Variants in PIERCE2 observed in about 807,000 individuals in gnomAD.
PIERCE2 encodes the protein piercer of microtubule wall 2 protein.
At chr15:55,414,837 CACT>C in the PIERCE2 span, among the ~76,000 whole-genome samples, 1 of 151,984 alleles carries the variant, frequency 6.6e-6, no homozygotes, top group African/African-American at 2.4e-5. Flanking sequence ...GAGATGGCGC[CACT>C]ACACTCCAGC....
At chr15:55,416,694 C>A in the PIERCE2 span, among the ~76,000 whole-genome samples, 1 of 152,012 alleles carries the variant, frequency 6.6e-6, no homozygotes, top group Non-Finnish European at 1.5e-5. Context: ...CGCGGTGGCT[C>A]ACACCTGTAA....
the PIERCE2 span, among the ~76,000 whole-genome samples, chr15:55,411,650 G>A: frequency 6.6e-6 from 1 of 152,036 alleles, no homozygotes; most frequent in African/African-American, 2.4e-5. Context: ...GGCTAGGCAC[G>A]GTGGCTCACG....
the PIERCE2 span, chr15:55,408,647 TTC>T: frequency 4.7e-6 from 3 of 639,328 alleles, no homozygotes; most frequent in South Asian, 1.9e-5. Context: ...GCTATTCATC[TTC>T]TGTTTGCTGC....
At chr15:55,412,078 G>A in the PIERCE2 span, among the ~76,000 whole-genome samples, 1 of 114,990 alleles carries the variant, frequency 8.7e-6, no homozygotes, top group African/African-American at 3.2e-5. Context: ...GCAACAGAGT[G>A]AGACTTTGTC....
At chr15:55,417,424 AT>A in the PIERCE2 span, among the ~76,000 whole-genome samples, 22 of 151,180 alleles carry the variant, frequency 1.5e-4, no homozygotes, top group South Asian at 4.2e-4. Flanking sequence ...AATATCTTGT[AT>A]TTTTTTTTCT....
chr15:55,410,014 G>T, the PIERCE2 span, among the ~76,000 whole-genome samples: 6 of 145,380 alleles, frequency 4.1e-5, 1 homozygote, highest in Admixed American at 4.1e-4. Flanking sequence ...CTTAACTATA[G>T]TCAGTTTGAA....
the PIERCE2 span, among the ~76,000 whole-genome samples, chr15:55,413,491 T>G: frequency 0.18 from 27,010 of 151,038 alleles, 4,157 homozygotes; most frequent in African/African-American, 0.42. Flanking sequence ...GGCCGTGGTG[T>G]CTCACGCCTG....
At chr15:55,414,817 G>T in the PIERCE2 span, among the ~76,000 whole-genome samples, 1 of 152,102 alleles carries the variant, frequency 6.6e-6, no homozygotes, top group Non-Finnish European at 1.5e-5. Context: ...TGGGGAGGTT[G>T]CAGTGAGCCG....
At chr15:55,409,631 C>G in the PIERCE2 span, among the ~76,000 whole-genome samples, 2 of 152,096 alleles carry the variant, frequency 1.3e-5, no homozygotes, top group African/African-American at 4.8e-5. Flanking sequence ...TAACTATATT[C>G]AACATCAACA....
chr15:55,413,937 G>A, the PIERCE2 span, among the ~76,000 whole-genome samples: 4 of 149,302 alleles, frequency 2.7e-5, no homozygotes, highest in African/African-American at 4.9e-5. Context: ...TCGCTCTGTC[G>A]CCCAGGCTGG....
At chr15:55,417,580 G>C in the PIERCE2 span, 9 of 152,094 alleles carry the variant, frequency 5.9e-5, no homozygotes, top group African/African-American at 2.2e-4. Context: ...TTCTAACTAT[G>C]ACTTTTACAG....
At chr15:55,418,316 T>C in the PIERCE2 span, 3 of 1,545,914 alleles carry the variant, frequency 1.9e-6, no homozygotes, top group African/African-American at 2.7e-5. Context: ...TGTGTTTTCA[T>C]GTATGTTGGA....
chr15:55,412,555 C>G, the PIERCE2 span, among the ~76,000 whole-genome samples: 21 of 152,228 alleles, frequency 1.4e-4, no homozygotes, highest in African/African-American at 5.1e-4. Context: ...TCCCCTTATT[C>G]ATGGAAAAAT....
chr15:55,413,096 A>G, the PIERCE2 span, among the ~76,000 whole-genome samples: 1,601 of 151,934 alleles, frequency 0.011, 34 homozygotes, highest in African/African-American at 0.037. Context: ...GTGAAACCCC[A>G]TCTCTACTAA....
the PIERCE2 span, among the ~76,000 whole-genome samples, chr15:55,414,167 G>T: frequency 6.6e-6 from 1 of 151,142 alleles, no homozygotes; most frequent in Non-Finnish European, 1.5e-5. Context: ...AAAGTGCTGG[G>T]ATTACAAGCG....
At chr15:55,413,195 G>A in the PIERCE2 span, among the ~76,000 whole-genome samples, 12 of 151,706 alleles carry the variant, frequency 7.9e-5, no homozygotes, top group Admixed American at 6.6e-5. Flanking sequence ...GTAAACCCAG[G>A]AGGTGGAGCT....
the PIERCE2 span, chr15:55,408,601 A>G: frequency 2.4e-6 from 1 of 420,950 alleles, no homozygotes; most frequent in Non-Finnish European, 4.2e-6. Flanking sequence ...AGCTCCCCGG[A>G]TTAAACGGAT....
the PIERCE2 span, among the ~76,000 whole-genome samples, chr15:55,413,608 AT>A: frequency 6.6e-6 from 1 of 151,470 alleles, no homozygotes; most frequent in Non-Finnish European, 1.5e-5. Flanking sequence ...AAAATACAAA[AT>A]TAGCTGGGCC....
chr15:55,413,259 C>G, the PIERCE2 span, among the ~76,000 whole-genome samples: 2 of 145,740 alleles, frequency 1.4e-5, no homozygotes, highest in African/African-American at 2.6e-5. Context: ...AAGAGTGAGA[C>G]TCCGTCTCAA....
Sources: allele counts gnomAD v4.1 joint callset (sites outside exome capture counted in the v4.1 genomes callset), GRCh38; gene constraint gnomAD v4.1.1; transcripts MANE v1.5; gene names NCBI Gene and HGNC (gene_info 2026-07-23, HGNC 2026-07-21).